Variants in S1PR5 observed in about 807,000 individuals in gnomAD.
The protein encoded by S1PR5 is sphingosine-1-phosphate receptor 5.
For synonymous variants in S1PR5, 307 were observed against 284.7 expected, an observed-to-expected ratio of 1.08 and a Z score of -0.79; for missense variants, 583 against 571.7, an observed-to-expected ratio of 1.02 and a Z score of -0.20.
At chr19:10,516,994 A>G (rs1185898179) in intron 1 of S1PR5, 2 of 152,356 alleles carry the variant, frequency 1.3e-5, no homozygotes, top group African/African-American at 4.8e-5. Flanking sequence ...TCAGTCACAC[A>G]CAGAGAATCA....
In S1PR5 at chr19:10,513,639, A is replaced by T; in HGVS notation, c.*176T>A. On this transcript the variant is annotated 3_prime_UTR_variant, in exon 2 of 2. Coordinates refer to ENST00000333430, the MANE Select transcript of S1PR5 (RefSeq NM_030760.5). ...TTTCTGTGTTCCCAAGCAGAACGTC[A>T]ATTCCACGAGGGCACAGATTTTTTG... The T allele has an allele frequency of 1.2e-6, 1 of 838,388 alleles. No individual in the cohort carries two copies. The highest frequency in any genetic ancestry group is 1.8e-6 in the Non-Finnish European group (1 of 555,982). The allele number at this position is 838,388 out of a possible 1,614,324, so 51.9% of individuals were successfully genotyped here.
Position 10,514,778 on chromosome 19 carries a change from G to A in S1PR5, c.234C>T (p.Leu78=). 6.2e-7 allele frequency: 1 copy of A among 1,613,202 alleles called. No homozygotes were observed. Among genetic ancestry groups the A allele is most frequent in the Non-Finnish European group, 8.5e-7 (1 of 1,179,804 alleles). Residue 78 remains leucine (L), a synonymous_variant, in exon 2 of 2, where the codon CTC becomes CTT. Coordinates refer to ENST00000333430, the MANE Select transcript of S1PR5 (RefSeq NM_030760.5). The part of the protein sequence containing the change: ...HAPMFLLLGS[L]TLSDLLAGAA... ...CGCCTGCCAGCAGATCCGACAACGTGAGGCTGCCCAGGAGCAGGAACATGG... is the reference window on the plus strand; with the variant it reads ...CGCCTGCCAGCAGATCCGACAACGTAAGGCTGCCCAGGAGCAGGAACATGG...
At position 10,513,826 on chromosome 19, in the gene S1PR5, C is replaced by T; in HGVS notation, c.1186G>A (p.Ala396Thr). The stretch of plus-strand genomic sequence containing the variant: ...GTGGGCCGAGGGTGTCAGTCTGCAG[C>T]CGGTTCTGATACCAGAGTCCGGGCG... ...TAARTLVSEP[A>T]AD Residue 396 changes from alanine to threonine, a missense_variant, in exon 2 of 2, where the codon GCT becomes ACT. Transcript: ENST00000333430. 1 of 1,612,792 alleles carries T rather than the reference C, an allele frequency of 6.2e-7. No homozygotes were observed. Among genetic ancestry groups the T allele is most frequent in the Non-Finnish European group, 8.5e-7 (1 of 1,179,774 alleles).
chr19:10,513,717 CTT>C lies in S1PR5; in HGVS notation c.*96_*97del. 1.3e-6 allele frequency: 2 copies of C among 1,506,078 alleles called. No homozygotes were observed. Among genetic ancestry groups the C allele is most frequent in the South Asian group, 2.5e-5 (2 of 79,406 alleles). 93.3% of individuals were successfully genotyped at this position (1,506,078 alleles called of 1,614,324 possible). ...CTGCATAAATACATTTCCCCTGCAT[CTT>C]TTCCGACTGCACCTTTGGCTGCATT... On this transcript the variant is annotated 3_prime_UTR_variant, in exon 2 of 2. Coordinates refer to ENST00000333430, the MANE Select transcript of S1PR5 (RefSeq NM_030760.5).
chr19:10,514,808 G>A lies in S1PR5; in HGVS notation c.204C>T (p.His68=). The A allele has an allele frequency of 2.5e-6, 4 of 1,613,130 alleles. No individual in the cohort carries two copies. The South Asian group carries it at 4.4e-5, about 18-fold the overall frequency. Residue 68 remains histidine, a synonymous_variant, in exon 2 of 2, where the codon CAC becomes CAT. Transcript: ENST00000333430. The part of the protein sequence containing the change: ...LLVLGRHPRF[H]APMFLLLGSL... ...TGCCCAGGAGCAGGAACATGGGAGC[G>A]TGGAAGCGCGGGTGGCGTCCGAGCA...
rs1295225315 is a variant in S1PR5, at chr19:10,513,731, C to G, written c.*84G>C. 31 of 1,547,066 alleles carry G rather than the reference C, an allele frequency of 2.0e-5. No homozygotes were observed. Among genetic ancestry groups the G allele is most frequent in the Non-Finnish European group, 2.4e-5 (27 of 1,142,138 alleles). On this transcript the variant is annotated 3_prime_UTR_variant, in exon 2 of 2. Transcript: ENST00000333430. ...TTCCCCTGCATCTTTTCCGACTGCA[C>G]CTTTGGCTGCATTTCCTACAAATTC...
chr19:10,514,841 C>T lies in S1PR5; in HGVS notation c.171G>A (p.Val57=), dbSNP rs1568406752. ...GCGGGTGGCGTCCGAGCACCAACAA[C>T]ACGGCTAGATTCTCTAGCACGATGA... ...CAFIVLENLA[V]LLVLGRHPRF... is the part of the protein sequence containing the mutation. The change falls in exon 2 of 2, where the codon GTG becomes GTA. Residue 57 remains valine, a synonymous_variant. Transcript: ENST00000333430. 1.9e-6 allele frequency: 3 copies of T among 1,613,138 alleles called. No homozygotes were observed. Among genetic ancestry groups the T allele is most frequent in the East Asian group, 2.2e-5 (1 of 44,872 alleles).
intron 1 of S1PR5, among the ~76,000 whole-genome samples, chr19:10,516,317 G>T (rs1374339240): frequency 6.6e-6 from 1 of 152,000 alleles, no homozygotes; most frequent in Non-Finnish European, 1.5e-5. Context: ...TGAGAAAGTT[G>T]CTCCTTGGCC....
rs369911931 is a variant in S1PR5, at chr19:10,514,981, C to T, written c.31G>A (p.Val11Met). The T allele has an allele frequency of 5.7e-6, 9 of 1,577,204 alleles. No individual in the cohort carries two copies. Among genetic ancestry groups the T allele is most frequent in the African/African-American group, 4.0e-5 (3 of 74,418 alleles). Residue 11 changes from valine (V) to methionine (M), a missense_variant, in exon 2 of 2, where the codon GTG (valine) becomes ATG (methionine). Coordinates refer to ENST00000333430, the MANE Select transcript of S1PR5 (RefSeq NM_030760.5). ...TAATGCAGGACGATGACCTCGCTCA[C>T]CGGCGCCGGCCGCAGCAGCCCCGAC... The part of the protein sequence containing the change: MESGLLRPAP[V>M]SEVIVLHYNY...
chr19:10,513,395 A>G lies in S1PR5; in HGVS notation c.*420T>C, dbSNP rs1396234414. ...CCGTCCCTGCTCCAGGCACACCAGC[A>G]TCGCTGCATTTCTTAGAACACATGG... On this transcript the variant is annotated 3_prime_UTR_variant, in exon 2 of 2. Coordinates refer to ENST00000333430, the MANE Select transcript of S1PR5 (RefSeq NM_030760.5). The G allele has an allele frequency of 2.3e-6, 1 of 435,726 alleles. No individual in the cohort carries two copies. Among genetic ancestry groups the G allele is most frequent in the Non-Finnish European group, 4.0e-6 (1 of 249,690 alleles). 27.0% of individuals were successfully genotyped at this position (435,726 alleles called of 1,614,324 possible). A position where few individuals can be genotyped will look rare whatever the true frequency, so the allele number is the denominator to read the frequency against.
rs1481835164 is a variant in S1PR5, at chr19:10,514,743, G to A, written c.269C>T (p.Ala90Val). The A allele has an allele frequency of 2.5e-6, 4 of 1,611,632 alleles. No individual in the cohort carries two copies. Among genetic ancestry groups the A allele is most frequent in the Non-Finnish European group, 3.4e-6 (4 of 1,179,412 alleles). The stretch of plus-strand genomic sequence containing the variant: ...CGGCCCCGACAGTAGGATGTTGGCG[G>A]CGTAGGCGGCGCCTGCCAGCAGATC... The part of the protein sequence containing the change: ...LSDLLAGAAY[A>V]ANILLSGPLT... Residue 90 changes from alanine to valine, a missense_variant, in exon 2 of 2, where the codon GCC (alanine) becomes GTC (valine). By Grantham distance (64) the Ala-to-Val change is moderately conservative. Coordinates refer to ENST00000333430, the MANE Select transcript of S1PR5 (RefSeq NM_030760.5).
At position 10,514,755 on chromosome 19, in the gene S1PR5, C is replaced by T; in HGVS notation, c.257G>A (p.Gly86Asp). ...GSLTLSDLLAGAAYAANILLS... is the reference protein window; with the variant it reads ...GSLTLSDLLADAAYAANILLS... The stretch of plus-strand genomic sequence containing the variant: ...TAGGATGTTGGCGGCGTAGGCGGCG[C>T]CTGCCAGCAGATCCGACAACGTGAG... The change falls in exon 2 of 2, where the codon GGC (glycine) becomes GAC (aspartate). Residue 86 changes from glycine to aspartate, a missense_variant. By Grantham distance (94) the Gly-to-Asp change is moderately conservative. Coordinates refer to ENST00000333430, the MANE Select transcript of S1PR5 (RefSeq NM_030760.5). 1 of 1,612,554 alleles carries T rather than the reference C, an allele frequency of 6.2e-7. No homozygotes were observed. The highest frequency in any genetic ancestry group is 8.5e-7 in the Non-Finnish European group (1 of 1,179,648).
At position 10,514,844 on chromosome 19, in the gene S1PR5, GGCTAGATTCTCTA is replaced by G; in HGVS notation, c.155_167del (p.Leu52ProfsTer46). The G allele has an allele frequency of 1.2e-6, 2 of 1,613,034 alleles. No individual in the cohort carries two copies. The highest frequency in any genetic ancestry group is 1.7e-6 in the Non-Finnish European group (2 of 1,179,706). On this transcript the variant is annotated frameshift_variant, in exon 2 of 2. Transcript: ENST00000333430. LOFTEE classifies it low-confidence loss of function (END_TRUNC). ...GGTGGCGTCCGAGCACCAACAACAC[GGCTAGATTCTCTA>G]GCACGATGAAGGCGCACACCGCCAG...
In S1PR5 at chr19:10,514,637, G is replaced by A; in HGVS notation, c.375C>T (p.Ser125=). ...TGCGCTCCAGCGCGATGGCCAGGAG[G>A]CTCAGCACGGACGCAGTGAGTGCCA... ...VFVALTASVL[S]LLAIALERSL... Residue 125 remains serine, a synonymous_variant, in exon 2 of 2, where the codon AGC becomes AGT. Coordinates refer to ENST00000333430, the MANE Select transcript of S1PR5 (RefSeq NM_030760.5). The A allele has an allele frequency of 6.3e-7, 1 of 1,599,520 alleles. No homozygotes were observed.
Position 10,514,308 on chromosome 19 carries a change from G to A in S1PR5, c.704C>T (p.Thr235Ile), listed in dbSNP as rs1239917138. Reference sequence around the variant, plus strand: ...CTTGCGACGCGCCCGGGTCGAGGTGGTCCCCGCAGTCCCGGGCCGTGCCGG... The same window carrying A: ...CTTGCGACGCGCCCGGGTCGAGGTGATCCCCGCAGTCCCGGGCCGTGCCGG... Reference protein sequence around the residue: ...RLPARPGTAGTTSTRARRKPR... With the variant: ...RLPARPGTAGITSTRARRKPR... The change falls in exon 2 of 2, where the codon ACC (threonine) becomes ATC (isoleucine). Residue 235 changes from threonine to isoleucine, a missense_variant. Transcript: ENST00000333430. 4 of 1,565,488 alleles carry A rather than the reference G, an allele frequency of 2.6e-6. No individual in the cohort carries two copies. The South Asian group carries it at 4.6e-5, about 18-fold the overall frequency.
Position 10,514,250 on chromosome 19 carries a change from G to A in S1PR5, c.762C>T (p.Ser254=). ...ATGCCACAAAGGCCAGGAGCACCAC[G>A]CTGAGCGTGCGCAGCAAGGCCAGCG... The part of the protein sequence containing the change: ...PRSLALLRTL[S]VVLLAFVACW... Residue 254 remains serine, a synonymous_variant, in exon 2 of 2, where the codon AGC becomes AGT. Coordinates refer to ENST00000333430, the MANE Select transcript of S1PR5 (RefSeq NM_030760.5). 1 of 1,596,788 alleles carries A rather than the reference G, an allele frequency of 6.3e-7. No individual in the cohort carries two copies. The highest frequency in any genetic ancestry group is 8.5e-7 in the Non-Finnish European group (1 of 1,172,388).
chr19:10,515,441 G>A (rs571029197), intron 1 of S1PR5, among the ~76,000 whole-genome samples: 22 of 152,080 alleles, frequency 1.4e-4, no homozygotes, highest in Admixed American at 1.3e-3. Context: ...GAACCCCTCC[G>A]TCTCTGCTAA....
chr19:10,514,056 C>A lies in S1PR5; in HGVS notation c.956G>T (p.Arg319Leu). 1.2e-6 allele frequency: 2 copies of A among 1,612,196 alleles called. No individual in the cohort carries two copies. The highest frequency in any genetic ancestry group is 1.7e-5 in the Admixed American group (1 of 59,988). ...TNRDLRHALL[R>L]LVCCGRHSCG... ...GGAGTGGCGTCCGCAGCAGACCAGGCGCAGGAGCGCGTGGCGCAGGTCGCG... is the reference window on the plus strand; with the variant it reads ...GGAGTGGCGTCCGCAGCAGACCAGGAGCAGGAGCGCGTGGCGCAGGTCGCG... Residue 319 changes from arginine to leucine, a missense_variant, in exon 2 of 2, where the codon CGC (arginine) becomes CTC (leucine). Transcript: ENST00000333430.
At position 10,514,930 on chromosome 19, in the gene S1PR5, C is replaced by A; in HGVS notation, c.82G>T (p.Ala28Ser). 6.2e-7 allele frequency: 1 copy of A among 1,608,904 alleles called. No individual in the cohort carries two copies. The highest frequency in any genetic ancestry group is 1.1e-5 in the South Asian group (1 of 90,862). ...AGGCCGGCACCCGGCTGGTAGCGCGCACCGCGGAGCTTGCCGGTGTAGTTG... is the reference window on the plus strand; with the variant it reads ...AGGCCGGCACCCGGCTGGTAGCGCGAACCGCGGAGCTTGCCGGTGTAGTTG... Reference protein sequence around the residue: ...HYNYTGKLRGARYQPGAGLRA... With the variant: ...HYNYTGKLRGSRYQPGAGLRA... Residue 28 changes from alanine (A) to serine (S), a missense_variant, in exon 2 of 2, where the codon GCG (alanine) becomes TCG (serine). Physicochemically the swap from Ala to Ser is moderately conservative, Grantham distance 99. Transcript: ENST00000333430.
Sources: allele counts gnomAD v4.1 joint callset (sites outside exome capture counted in the v4.1 genomes callset), GRCh38; gene constraint gnomAD v4.1.1; transcripts MANE v1.5; gene names NCBI Gene and HGNC (gene_info 2026-07-23, HGNC 2026-07-21).